PDE4B: variants seen among roughly 807,000 people sequenced by gnomAD.
PDE4B encodes phosphodiesterase 4B.
PDE4B carries 20 observed loss-of-function variants against 82.2 expected under a neutral mutation model. The ratio of observed to expected loss-of-function variants is 0.24; its 90% CI spans 0.17 to 0.35. PDE4B has a LOEUF of 0.35. Among genes scored for constraint, PDE4B ranks in the 10% least tolerant of loss-of-function variants. PDE4B has a pLI of 1.00. For missense variants in PDE4B, 655 were observed against 907.2 expected, an observed-to-expected ratio of 0.72 and a Z score of 3.57; for synonymous variants, 320 against 318.9, an observed-to-expected ratio of 1.00 and a Z score of -0.04.
chr1:65,820,898 T>C (rs74737250), intron 1 of PDE4B, among the ~76,000 whole-genome samples: 7 of 152,344 alleles, frequency 4.6e-5, no homozygotes, highest in African/African-American at 1.7e-4. Flanking sequence ...TTTGATCAAC[T>C]CTGGTTTACT....
intron 3 of PDE4B, among the ~76,000 whole-genome samples, chr1:66,231,960 C>T (rs1406913895): frequency 6.6e-6 from 1 of 152,224 alleles, no homozygotes; most frequent in Non-Finnish European, 1.5e-5. Flanking sequence ...CCAAACCTGA[C>T]TGGTTCCACC....
At chr1:66,136,006 G>T (rs1204692032) in intron 3 of PDE4B, among the ~76,000 whole-genome samples, 1 of 152,146 alleles carries the variant, frequency 6.6e-6, no homozygotes. Flanking sequence ...GTTTCAAGGT[G>T]ATTCTTTCTC....
At chr1:66,207,792 A>T (rs1207955738) in intron 3 of PDE4B, among the ~76,000 whole-genome samples, 1 of 152,220 alleles carries the variant, frequency 6.6e-6, no homozygotes, top group Non-Finnish European at 1.5e-5. Flanking sequence ...TTATATAATT[A>T]TTCCTCCTGG....
At chr1:65,960,388 T>G (rs896038304) in intron 3 of PDE4B, among the ~76,000 whole-genome samples, 5 of 152,086 alleles carry the variant, frequency 3.3e-5, no homozygotes, top group African/African-American at 9.7e-5. Context: ...AAAGAGAAAG[T>G]TAGGCAAGAA....
At chr1:66,082,641 A>AATATATAT (rs67481716) in intron 3 of PDE4B, among the ~76,000 whole-genome samples, 5,002 of 147,810 alleles carry the variant, frequency 0.034, 189 homozygotes, top group East Asian at 0.21. Flanking sequence ...GGATTGAAAT[A>AATATATAT]ATATATATAT....
At chr1:66,270,767 G>A (rs191785833) in intron 7 of PDE4B, among the ~76,000 whole-genome samples, 1 of 152,078 alleles carries the variant, frequency 6.6e-6, no homozygotes, top group South Asian at 2.1e-4. Context: ...AAAGATTAGA[G>A]GGAATTATAA....
intron 7 of PDE4B, among the ~76,000 whole-genome samples, chr1:66,291,748 G>GT (rs561442637): frequency 1.8e-3 from 271 of 150,626 alleles, no homozygotes; most frequent in Middle Eastern, 3.4e-3. Context: ...ATAATGACCT[G>GT]TTTTTTTTTC....
intron 3 of PDE4B, among the ~76,000 whole-genome samples, chr1:66,092,978 T>G (rs1341083668): frequency 2.0e-5 from 3 of 152,078 alleles, no homozygotes; most frequent in Admixed American, 6.6e-5. Flanking sequence ...GGAAATGTGG[T>G]TCATAGTTAC....
At chr1:65,879,491 G>A (rs1003717971) in intron 1 of PDE4B, among the ~76,000 whole-genome samples, 4 of 152,176 alleles carry the variant, frequency 2.6e-5, no homozygotes, top group South Asian at 2.1e-4. Flanking sequence ...AGGTAAATAT[G>A]TATAAAATGT....
chr1:65,927,761 A>T (rs986061941), intron 3 of PDE4B, among the ~76,000 whole-genome samples: 2 of 152,110 alleles, frequency 1.3e-5, no homozygotes, highest in African/African-American at 2.4e-5. Context: ...TTCTAGGTAG[A>T]GGCAGCTCTA....
intron 8 of PDE4B, among the ~76,000 whole-genome samples, chr1:66,342,435 C>T (rs534340753): frequency 1.6e-4 from 24 of 151,482 alleles, no homozygotes; most frequent in Admixed American, 2.0e-4. Context: ...AGTGACTGGG[C>T]GCAGTGGCTC....
rs557816310 is a variant in PDE4B, at chr1:66,067,893, A to G, written c.281+149058A>G. Among the ~76,000 whole-genome samples the G allele has an allele frequency of 6.2e-5, 9 of 145,434 alleles. No individual in the cohort carries two copies. The East Asian group carries it at 1.7e-3, about 27-fold the overall frequency. On this transcript the variant is annotated intron_variant, in intron 3 of 16. Coordinates refer to ENST00000341517, the MANE Select transcript of PDE4B (RefSeq NM_002600.4). ...TTCACTCATAGGTGGGAATTGAACA[A>G]TGAGAACACATGGACACAGGAAGGA...
intron 1 of PDE4B, among the ~76,000 whole-genome samples, chr1:65,843,306 G>T (rs1571004203): frequency 6.6e-6 from 1 of 152,132 alleles, no homozygotes; most frequent in Non-Finnish European, 1.5e-5. Context: ...GAATTACAAA[G>T]ATTCATTTGC....
At chr1:65,937,298 G>C (rs1557444540) in intron 3 of PDE4B, among the ~76,000 whole-genome samples, 1 of 152,182 alleles carries the variant, frequency 6.6e-6, no homozygotes, top group Non-Finnish European at 1.5e-5. Context: ...TCTGTCTAAG[G>C]CTGGAAACAT....
rs200360224 is a variant in PDE4B, at chr1:65,923,003, AC to A, written c.281+4173del. Among the ~76,000 whole-genome samples the A allele has an allele frequency of 7.4e-4, 111 of 150,518 alleles. 2 individuals are homozygous for A. In the East Asian group the frequency reaches 0.02, roughly 28 times the overall value. On this transcript the variant is annotated intron_variant, in intron 3 of 16. Coordinates refer to ENST00000341517, the MANE Select transcript of PDE4B (RefSeq NM_002600.4). ...ACTGCCCTTTTGAGTATTCCCCCCA[AC>A]CCCCTCCCCCACAAAAATCTGAATT... is the stretch of plus-strand genomic sequence containing the variant.
At chr1:66,008,959 G>A (rs1042530817) in intron 3 of PDE4B, among the ~76,000 whole-genome samples, 13 of 151,846 alleles carry the variant, frequency 8.6e-5, no homozygotes, top group African/African-American at 2.2e-4. Context: ...AATAACATCC[G>A]TATGCTGATG....
intron 1 of PDE4B, among the ~76,000 whole-genome samples, chr1:65,862,534 GTT>G (rs1023412972): frequency 5.3e-5 from 8 of 152,148 alleles, no homozygotes; most frequent in Non-Finnish European, 1.2e-4. Flanking sequence ...TTTCTGCCAG[GTT>G]TTGTTATCAG....
intron 8 of PDE4B, among the ~76,000 whole-genome samples, chr1:66,347,725 A>G (rs1000618176): frequency 1.3e-5 from 2 of 152,190 alleles, no homozygotes; most frequent in Non-Finnish European, 2.9e-5. Context: ...CAATACAATT[A>G]ATAATAAATA....
intron 3 of PDE4B, among the ~76,000 whole-genome samples, chr1:66,241,194 T>C (rs1225962281): frequency 6.6e-6 from 1 of 152,254 alleles, no homozygotes; most frequent in Non-Finnish European, 1.5e-5. Flanking sequence ...AATATTCTGC[T>C]GTAGCTGTGG....
Sources: gnomAD v4.1 joint callset for allele counts (sites outside exome capture counted in the v4.1 genomes callset) on GRCh38, gnomAD v4.1.1 for gene constraint, MANE v1.5 for transcripts, NCBI Gene and HGNC (gene_info 2026-07-23, HGNC 2026-07-21) for gene names.